DYNC2H1: variants seen among roughly 807,000 people sequenced by gnomAD.
DYNC2H1 encodes the protein cytoplasmic dynein 2 heavy chain 1.
A neutral mutation model predicts 570.0 loss-of-function variants in DYNC2H1; 410 were observed. The observed-to-expected ratio is 0.72, with a 90% CI of 0.66 to 0.78. The LOEUF (loss-of-function observed/expected upper bound fraction) is 0.78, where lower values mean the gene tolerates loss of function less well. Ranked by LOEUF, DYNC2H1 falls within the 30% of genes least tolerant of loss-of-function variation. The pLI is 0.00. For synonymous variants in DYNC2H1, 1,688 were observed against 1,677.6 expected (o/e 1.01, Z -0.15); for missense variants, 4,865 against 5,046.4 (o/e 0.96, Z 1.09).
rs774750631 is a variant in DYNC2H1 at position 103,125,155 on chromosome 11, G to A, written c.1717G>A (p.Val573Met). The change falls in exon 12 of 89, where the codon GTG becomes ATG. Residue 573 changes from valine (V) to methionine (M), a missense_variant. By Grantham distance (21) the Val-to-Met change is conservative. Coordinates refer to ENST00000375735, the MANE Select transcript of DYNC2H1 (RefSeq NM_001377.3). ...ELDSNDGLLK[V>M]HYSDRLVILL... Reference sequence around the variant, plus strand: ...GGATTCTAATGATGGATTACTAAAAGTGCATTATTCAGATCGTTTGGTGAT... The same window carrying A: ...GGATTCTAATGATGGATTACTAAAAATGCATTATTCAGATCGTTTGGTGAT... 14 of 1,613,308 alleles carry A rather than the reference G, an allele frequency of 8.7e-6. No homozygotes were observed. Among genetic ancestry groups the A allele is most frequent in the African/African-American group, 1.3e-5 (1 of 74,898 alleles).
chr11:103,445,675 G>A (rs1434298809), intron 85 of DYNC2H1, among the ~76,000 whole-genome samples: 4 of 152,098 alleles, frequency 2.6e-5, no homozygotes, highest in Admixed American at 6.5e-5. Context: ...TTTTTGAGAC[G>A]GAGTCTCGCT....
chr11:103,180,093 T>C (rs1388105350), intron 39 of DYNC2H1, among the ~76,000 whole-genome samples: 3 of 151,714 alleles, frequency 2.0e-5, no homozygotes, highest in South Asian at 2.1e-4. Context: ...GAAGCTTCAA[T>C]TGATATTTTG....
chr11:103,444,270 T>C (rs1444001896), intron 85 of DYNC2H1, among the ~76,000 whole-genome samples: 1 of 152,000 alleles, frequency 6.6e-6, no homozygotes, highest in Non-Finnish European at 1.5e-5. Context: ...CTTCTCTTGC[T>C]ATACTAAACA....
chr11:103,309,684 A>G (rs1256918420), intron 78 of DYNC2H1, among the ~76,000 whole-genome samples: 2 of 152,162 alleles, frequency 1.3e-5, no homozygotes, highest in Non-Finnish European at 2.9e-5. Context: ...CTACAATCCC[A>G]CTATACAATT....
chr11:103,467,837 G>A (rs771510484), intron 87 of DYNC2H1, among the ~76,000 whole-genome samples: 3 of 151,928 alleles, frequency 2.0e-5, no homozygotes, highest in Admixed American at 6.6e-5. Flanking sequence ...GCGCCCAGCC[G>A]GCACTGTACA....
At chr11:103,382,295 A>C (rs1174297127) in intron 83 of DYNC2H1, among the ~76,000 whole-genome samples, 1 of 152,220 alleles carries the variant, frequency 6.6e-6, no homozygotes, top group Non-Finnish European at 1.5e-5. Flanking sequence ...AATAGGTGAT[A>C]GACTTTTTTT....
Position 103,163,212 on chromosome 11 carries a change from C to G in DYNC2H1, c.4611+65C>G. ...CGTGGAAAGATCCCTGACCTAGAAGCCAGGAGGCTCAGATAAATCGCATCT... is the reference window on the plus strand; with the variant it reads ...CGTGGAAAGATCCCTGACCTAGAAGGCAGGAGGCTCAGATAAATCGCATCT... On this transcript the variant is annotated intron_variant, in intron 30 of 88. Transcript: ENST00000375735. The surrounding 1 kb of genome is among the most constrained non-coding windows in gnomAD (Gnocchi z 4.6). The G allele has an allele frequency of 6.6e-7, 1 of 1,515,566 alleles. No homozygotes were observed. Among genetic ancestry groups the G allele is most frequent in the Non-Finnish European group, 8.9e-7 (1 of 1,127,516 alleles). 93.9% of individuals were successfully genotyped at this position (1,515,566 alleles called of 1,614,324 possible).
At chr11:103,385,910 T>C (rs1225151101) in intron 83 of DYNC2H1, among the ~76,000 whole-genome samples, 1 of 152,070 alleles carries the variant, frequency 6.6e-6, no homozygotes, top group Admixed American at 6.6e-5. Context: ...ATTGATCTGG[T>C]TTTCATGTGG....
intron 88 of DYNC2H1, among the ~76,000 whole-genome samples, chr11:103,470,162 G>T (rs1331539895): frequency 6.6e-6 from 1 of 152,174 alleles, no homozygotes; most frequent in Non-Finnish European, 1.5e-5. Context: ...GGAATGCAGT[G>T]CTGTCATGGA....
chr11:103,312,568 C>CAAAAAAAA (rs1591561544), intron 79 of DYNC2H1, among the ~76,000 whole-genome samples: 2 of 32,488 alleles, frequency 6.2e-5, no homozygotes, highest in Non-Finnish European at 1.2e-4. Flanking sequence ...AAAAAAAAAC[C>CAAAAAAAA]AATTGTAATG....
At chr11:103,327,977 G>T (rs774229880) in intron 82 of DYNC2H1, among the ~76,000 whole-genome samples, 5 of 152,110 alleles carry the variant, frequency 3.3e-5, no homozygotes, top group Non-Finnish European at 7.3e-5. Context: ...TAGTTTCTAA[G>T]GAAATAGTAC....
At position 103,109,547 on chromosome 11, in the gene DYNC2H1, C is replaced by A. The variant is rs750166141; in HGVS notation, c.-28C>A. The A allele has an allele frequency of 1.9e-6, 3 of 1,606,444 alleles. No individual in the cohort carries two copies. The highest frequency in any genetic ancestry group is 2.6e-6 in the Non-Finnish European group (3 of 1,175,206). The stretch of plus-strand genomic sequence containing the variant: ...CTGGTTTCTTCTTCCTTCCCCCTTC[C>A]CCCAACTTCCCTCCACCCCTTCCAA... On this transcript the variant is annotated 5_prime_UTR_variant, in exon 1 of 89. Transcript: ENST00000375735.
At chr11:103,384,826 G>A (rs1397638213) in intron 83 of DYNC2H1, among the ~76,000 whole-genome samples, 1 of 151,880 alleles carries the variant, frequency 6.6e-6, no homozygotes, top group African/African-American at 2.4e-5. Flanking sequence ...ATTTCTTCCT[G>A]TATCTCAGAC....
chr11:103,320,510 T>TAGA (rs1938123050), intron 80 of DYNC2H1, among the ~76,000 whole-genome samples: 1 of 152,244 alleles, frequency 6.6e-6, no homozygotes, highest in Non-Finnish European at 1.5e-5. Flanking sequence ...TCATGACGTT[T>TAGA]AGAAGAGTGT....
At chr11:103,234,717 A>G (rs1864156985) in intron 61 of DYNC2H1, among the ~76,000 whole-genome samples, 2 of 151,768 alleles carry the variant, frequency 1.3e-5, no homozygotes, top group Non-Finnish European at 2.9e-5. Context: ...TATCACCTAC[A>G]CCTTCATAAT....
chr11:103,200,006 A>T (rs772140314), intron 49 of DYNC2H1, 40 bp from the exon 50 acceptor site: 1 of 1,358,874 alleles, frequency 7.4e-7, no homozygotes, highest in Non-Finnish European at 1.0e-6. Flanking sequence ...TGTACCAAAA[A>T]TACTTAAAGG....
At chr11:103,217,807 A>G (rs1863440155) in intron 55 of DYNC2H1, among the ~76,000 whole-genome samples, 1 of 152,228 alleles carries the variant, frequency 6.6e-6, no homozygotes, top group Non-Finnish European at 1.5e-5. Context: ...GAAAATATTT[A>G]CAAAACATAT....
intron 87 of DYNC2H1, among the ~76,000 whole-genome samples, chr11:103,462,572 T>G (rs1263792540): frequency 6.6e-6 from 1 of 152,220 alleles, no homozygotes; most frequent in East Asian, 1.9e-4. Flanking sequence ...GCTAAAATTC[T>G]TCTGCAAAGA....
In DYNC2H1 at chr11:103,270,406, T is replaced by C. The variant is rs532242592; in HGVS notation, c.10696-9942T>C. On this transcript the variant is annotated intron_variant, in intron 70 of 88. Transcript: ENST00000375735. ...TCCTATACATATCTATATCTACAGA[T>C]ATATATCAGTGATAAAGTTTAATTT... 1.2e-4 allele frequency among the ~76,000 whole-genome samples: 19 copies of C among 152,116 alleles called. No individual in the cohort carries two copies. In the East Asian group the frequency reaches 3.1e-3, roughly 25 times the overall value.
Sources: allele counts gnomAD v4.1 joint callset (sites outside exome capture counted in the v4.1 genomes callset), GRCh38; gene constraint gnomAD v4.1.1; non-coding constraint Gnocchi (gnomAD v3.1); transcripts MANE v1.5; gene names NCBI Gene and HGNC (gene_info 2026-07-23, HGNC 2026-07-21).